DSCAM: variants seen among roughly 807,000 people sequenced by gnomAD.
DSCAM encodes the protein DS cell adhesion molecule, also known as cell adhesion molecule DSCAM.
In DSCAM, 47 loss-of-function variants were observed where a neutral mutation model predicts 217.7. The observed-to-expected ratio is 0.22, with a 90% CI of 0.17 to 0.28. DSCAM has a LOEUF of 0.28. Among genes scored for constraint, DSCAM ranks in the 10% least tolerant of loss-of-function variants. The pLI is 1.00. For missense variants in DSCAM, 2,080 were observed against 2,618.3 expected, an observed-to-expected ratio of 0.79 and a Z score of 4.49; for synonymous variants, 1,056 against 1,015.3, an observed-to-expected ratio of 1.04 and a Z score of -0.76.
chr21:40,241,041 G>A (rs2146941879), intron 11 of DSCAM, among the ~76,000 whole-genome samples: 1 of 152,274 alleles, frequency 6.6e-6, no homozygotes, highest in African/African-American at 2.4e-5. Context: ...AGCCCTGGAA[G>A]ACAACCTAGG....
intron 1 of DSCAM, among the ~76,000 whole-genome samples, chr21:40,790,874 C>T (rs919116681): frequency 2.6e-5 from 4 of 152,080 alleles, no homozygotes; most frequent in African/African-American, 4.8e-5. Flanking sequence ...AAAAGGTCTT[C>T]ATAGAAAAAT....
intron 19 of DSCAM, among the ~76,000 whole-genome samples, chr21:40,124,710 A>ATGC (rs1401623721): frequency 6.6e-6 from 1 of 152,116 alleles, no homozygotes; most frequent in Non-Finnish European, 1.5e-5. Context: ...CCCAGGACAG[A>ATGC]TGCTTGTCTC....
At chr21:40,207,756 A>G (rs1023003436) in intron 11 of DSCAM, among the ~76,000 whole-genome samples, 2 of 152,202 alleles carry the variant, frequency 1.3e-5, no homozygotes, top group Admixed American at 1.3e-4. Flanking sequence ...GGACTTTATT[A>G]TCTCACAGTC....
rs1568973098 is a variant in DSCAM at position 40,157,717 on chromosome 21, G to GAC, written c.3018+9499_3018+9500dup. Reference sequence around the variant, plus strand: ...TTTTTCTTTTTTTTTTTTTTCCTGAGACAGTCTCGCCTTGTCACCCAGGCT... The same window carrying GAC: ...TTTTTCTTTTTTTTTTTTTTCCTGAGACACAGTCTCGCCTTGTCACCCAGGCT... On this transcript the variant is annotated intron_variant, in intron 16 of 32. Transcript: ENST00000400454. Among the ~76,000 whole-genome samples, 5 of 63,520 alleles carry GAC rather than the reference G, an allele frequency of 7.9e-5. No homozygotes were observed. In the Admixed American group the frequency reaches 8.9e-4, roughly 11 times the overall value. 41.7% of individuals were successfully genotyped at this position (63,520 alleles called of 152,430 possible).
chr21:40,369,196 T>C lies in DSCAM; in HGVS notation c.558A>G (p.Val186=), dbSNP rs201546072. Residue 186 remains valine, a synonymous_variant, in exon 4 of 33, where the codon GTA becomes GTG. Transcript: ENST00000400454. ...AGTTATACAATCCATCTTCATTCTG[T>C]ACATCTTTAATATACAAGGCTCCCG... ...TSTGALYIKD[V]QNEDGLYNYR... 1 of 1,612,762 alleles carries C rather than the reference T, an allele frequency of 6.2e-7. No homozygotes were observed. The highest frequency in any genetic ancestry group is 2.2e-5 in the East Asian group (1 of 44,864).
At position 40,544,844 on chromosome 21, in the gene DSCAM, T is replaced by C. The variant is rs185874434; in HGVS notation, c.508+147966A>G. Among the ~76,000 whole-genome samples, 53 of 152,256 alleles carry C rather than the reference T, an allele frequency of 3.5e-4. 1 individual carries two copies. In the South Asian group the frequency reaches 8.3e-3, roughly 24 times the overall value. On this transcript the variant is annotated intron_variant, in intron 3 of 32. Transcript: ENST00000400454. ...TTTCAATTTGCATTTGATAGTCAAATTGAACTTGCGTCACTTTTTTCCAAA... is the reference window on the plus strand; with the variant it reads ...TTTCAATTTGCATTTGATAGTCAAACTGAACTTGCGTCACTTTTTTCCAAA...
intron 10 of DSCAM, among the ~76,000 whole-genome samples, chr21:40,277,702 C>T (rs532836206): frequency 2.8e-4 from 40 of 140,878 alleles, no homozygotes; most frequent in African/African-American, 7.8e-4. Flanking sequence ...GGCACGATTT[C>T]GGCTCACTGC....
At chr21:40,702,471 T>C (rs1034429164) in intron 2 of DSCAM, among the ~76,000 whole-genome samples, 15 of 152,190 alleles carry the variant, frequency 9.9e-5, no homozygotes, top group Admixed American at 2.6e-4. Flanking sequence ...TTAGGTTGAT[T>C]TGATTTGATG....
chr21:40,305,348 C>A (rs2074060891), intron 9 of DSCAM, among the ~76,000 whole-genome samples: 1 of 144,080 alleles, frequency 6.9e-6, no homozygotes, highest in Non-Finnish European at 1.5e-5. Flanking sequence ...GGAGATTGGC[C>A]CATTGTACTG....
At chr21:40,494,982 A>G (rs559240492) in intron 3 of DSCAM, among the ~76,000 whole-genome samples, 3 of 152,282 alleles carry the variant, frequency 2.0e-5, no homozygotes, top group African/African-American at 7.2e-5. Flanking sequence ...AACAAACTGG[A>G]TAACATAAAA....
intron 3 of DSCAM, among the ~76,000 whole-genome samples, chr21:40,413,592 A>G (rs1319104599): frequency 6.6e-6 from 1 of 152,236 alleles, no homozygotes; most frequent in African/African-American, 2.4e-5. Context: ...TCATCCCAGC[A>G]GGATATTGAC....
At chr21:40,208,341 C>G (rs939142364) in intron 11 of DSCAM, among the ~76,000 whole-genome samples, 3 of 152,162 alleles carry the variant, frequency 2.0e-5, no homozygotes, top group African/African-American at 7.2e-5. Flanking sequence ...GTAATCCCAG[C>G]TACCTGGGAG....
At chr21:40,074,892 T>TA in intron 27 of DSCAM, 145 bp downstream of exon 27, 6 of 756,126 alleles carry the variant, frequency 7.9e-6, no homozygotes, top group Non-Finnish European at 1.2e-5. Context: ...GCTGAAGGAA[T>TA]GTCAGAGAAC....
intron 16 of DSCAM, among the ~76,000 whole-genome samples, chr21:40,148,345 A>T (rs2090382915): frequency 6.6e-6 from 1 of 152,128 alleles, no homozygotes; most frequent in Admixed American, 6.5e-5. Context: ...TTAAAAACAG[A>T]CTTAAAAGGT....
chr21:40,345,662 A>G (rs997060035), intron 6 of DSCAM, among the ~76,000 whole-genome samples: 1 of 152,118 alleles, frequency 6.6e-6, no homozygotes, highest in African/African-American at 2.4e-5. Context: ...AAATTTTTAT[A>G]ATTTTACTTT....
chr21:40,289,662 T>G (rs2073867205), intron 10 of DSCAM, among the ~76,000 whole-genome samples: 1 of 152,202 alleles, frequency 6.6e-6, no homozygotes, highest in African/African-American at 2.4e-5. Flanking sequence ...TTTGTCAATC[T>G]CTTACTGTGC....
chr21:40,155,733 T>G lies in DSCAM; in HGVS notation c.3019-11002A>C, dbSNP rs548464027. Among the ~76,000 whole-genome samples the G allele has an allele frequency of 2.0e-5, 3 of 152,014 alleles. 1 individual carries two copies. In the South Asian group the frequency reaches 6.2e-4, roughly 32 times the overall value. ...TGATCCAACACCGCTGGTAAAGAGG[T>G]CAGTCGGGCAGGGGTGGAGCTGAGT... On this transcript the variant is annotated intron_variant, in intron 16 of 32. Transcript: ENST00000400454.
Position 40,769,925 on chromosome 21 carries a change from A to AC in DSCAM, c.44-61155dup, listed in dbSNP as rs202066138. On this transcript the variant is annotated intron_variant, in intron 1 of 32. Transcript: ENST00000400454. ...AATAATATTCCATCCACTGATCCCC[A>AC]CCTCACTACCTGGCTATAAACTCCC... 4.5e-4 allele frequency among the ~76,000 whole-genome samples: 68 copies of AC among 151,912 alleles called. 1 individual carries two copies. In the East Asian group the frequency reaches 0.013, roughly 28 times the overall value.
chr21:40,104,968 C>G (rs933691952), intron 20 of DSCAM, among the ~76,000 whole-genome samples: 1 of 152,172 alleles, frequency 6.6e-6, no homozygotes, highest in Non-Finnish European at 1.5e-5. Context: ...GCTACCTAGT[C>G]TGAATGAATG....
Sources: gnomAD v4.1 joint callset for allele counts (sites outside exome capture counted in the v4.1 genomes callset) on GRCh38, gnomAD v4.1.1 for gene constraint, MANE v1.5 for transcripts, NCBI Gene and HGNC (gene_info 2026-07-23, HGNC 2026-07-21) for gene names.